FBLN1: variants seen among roughly 807,000 people sequenced by gnomAD.
FBLN1 encodes fibulin-1.
FBLN1 carries 34 observed loss-of-function variants against 89.7 expected under a neutral mutation model. The observed-to-expected ratio is 0.38, with a 90% CI of 0.29 to 0.50. FBLN1 has a LOEUF of 0.50. FBLN1 is among the 20% of genes least tolerant of loss of function. FBLN1 has a pLI of 0.92. For synonymous variants in FBLN1, 393 were observed against 391.3 expected (o/e 1.00, Z -0.05); for missense variants, 777 against 988.1 (o/e 0.79, Z 2.86).
intron 16 of FBLN1, among the ~76,000 whole-genome samples, chr22:45,596,940 G>A (rs960784830): frequency 2.7e-5 from 4 of 148,826 alleles, no homozygotes; most frequent in Non-Finnish European, 4.4e-5. Context: ...TGTTTTATAT[G>A]TATAATAGTT....
intron 8 of FBLN1, among the ~76,000 whole-genome samples, chr22:45,538,129 C>T (rs535605311): frequency 1.4e-4 from 22 of 152,334 alleles, no homozygotes; most frequent in Non-Finnish European, 2.2e-4. Flanking sequence ...GCCAGCCTGG[C>T]GGCACTGAGC....
At chr22:45,568,966 A>C (rs2088928051) in intron 14 of FBLN1, among the ~76,000 whole-genome samples, 1 of 152,124 alleles carries the variant, frequency 6.6e-6, no homozygotes, top group East Asian at 1.9e-4. Context: ...TCATCACATG[A>C]TCTTGTGTGT....
intron 16 of FBLN1, among the ~76,000 whole-genome samples, chr22:45,589,704 G>T (rs2089119658): frequency 1.3e-5 from 2 of 152,104 alleles, no homozygotes; most frequent in Non-Finnish European, 2.9e-5. Flanking sequence ...CCAGGAGAGA[G>T]AAGGGGCATG....
rs567608899 is a variant in FBLN1, at chr22:45,503,199, C to G, written c.79+135C>G. ...CGCGGCGCCCCCGGACTGTCAGCGC[C>G]GAGGCCTCGGCGACGCCCCCCTCCC... On this transcript the variant is annotated intron_variant, in intron 1 of 16. Transcript: ENST00000327858. 55 of 236,492 alleles carry G rather than the reference C, an allele frequency of 2.3e-4. 2 individuals are homozygous for G. The East Asian group carries it at 8.3e-3, about 36-fold the overall frequency. The allele number at this position is 236,492 out of a possible 1,614,324, so 14.6% of individuals were successfully genotyped here. A position where few individuals can be genotyped will look rare whatever the true frequency, so the allele number is the denominator to read the frequency against.
rs1229973039 is a variant in FBLN1, at chr22:45,532,249, T to C, written c.545-814T>C. Among the ~76,000 whole-genome samples the C allele has an allele frequency of 2.6e-5, 4 of 151,980 alleles. No homozygotes were observed. Among genetic ancestry groups the C allele is most frequent in the African/African-American group, 9.7e-5 (4 of 41,358 alleles). On this transcript the variant is annotated intron_variant, in intron 5 of 16. Coordinates refer to ENST00000327858, the MANE Select transcript of FBLN1 (RefSeq NM_006486.3). This position sits in a 1 kb window ranked among gnomAD's most constrained non-coding sequence, Gnocchi z 4.2. ...AGAGCCCCAGCAAGCCTCAGGGCTATGGGAGGAGCTTTCTGGGGAGGGGAG... is the reference window on the plus strand; with the variant it reads ...AGAGCCCCAGCAAGCCTCAGGGCTACGGGAGGAGCTTTCTGGGGAGGGGAG...
At chr22:45,513,495 TGAGCCA>T (rs2088129050) in intron 1 of FBLN1, among the ~76,000 whole-genome samples, 1 of 152,008 alleles carries the variant, frequency 6.6e-6, no homozygotes, top group Non-Finnish European at 1.5e-5. Flanking sequence ...ATTACAGGCG[TGAGCCA>T]CTGCGCCCGG....
intron 7 of FBLN1, 35 bp from the exon 8 acceptor site, chr22:45,535,165 C>G (rs1384397208): frequency 8.1e-6 from 13 of 1,613,618 alleles, no homozygotes; most frequent in African/African-American, 5.3e-5. Flanking sequence ...TGGCAGGACT[C>G]TTGCTAACAA....
intron 7 of FBLN1, among the ~76,000 whole-genome samples, chr22:45,534,307 A>AAAAAAAAAAAAAAAAAAAAAAAAAAAAC (rs2088454177): frequency 6.6e-6 from 1 of 150,768 alleles, no homozygotes; most frequent in Non-Finnish European, 1.5e-5. Context: ...AAAAAAAAAA[A>AAAAAAAAAAAAAAAAAAAAAAAAAAAAC]AAAAAAAAAA....
intron 1 of FBLN1, among the ~76,000 whole-genome samples, chr22:45,506,955 A>G (rs1360458939): frequency 1.3e-5 from 2 of 152,254 alleles, no homozygotes; most frequent in Admixed American, 1.3e-4. Flanking sequence ...AAATCATAAC[A>G]ATTTGATGAA....
rs1475097745 is a variant in FBLN1 at position 45,550,233 on chromosome 22, C to G, written c.1574-259C>G. Among the ~76,000 whole-genome samples, 2 of 152,216 alleles carry G rather than the reference C, an allele frequency of 1.3e-5. No homozygotes were observed. The highest frequency in any genetic ancestry group is 2.9e-5 in the Non-Finnish European group (2 of 68,036). ...CTTGCGAGGTACTCCCAGGACCCAT[C>G]ATGTAGTGTTTACTTTTACCATCGT... On this transcript the variant is annotated intron_variant, in intron 13 of 16. Transcript: ENST00000327858. The surrounding 1 kb of genome is among the most constrained non-coding windows in gnomAD (Gnocchi z 8.4).
chr22:45,585,248 C>T (rs186955777), intron 16 of FBLN1, among the ~76,000 whole-genome samples: 223 of 152,276 alleles, frequency 1.5e-3, no homozygotes, highest in African/African-American at 3.0e-3. Context: ...GCAGCAGCCC[C>T]GGTACAAGGG....
Position 45,591,318 on chromosome 22 carries a change from G to A in FBLN1, c.1973-8989G>A, listed in dbSNP as rs78521471. On this transcript the variant is annotated intron_variant, in intron 16 of 16. Coordinates refer to ENST00000327858, the MANE Select transcript of FBLN1 (RefSeq NM_006486.3). The stretch of plus-strand genomic sequence containing the variant: ...TGTGAGTGAGCTCTGTGATGACGAA[G>A]CACTGCAGAAATGTTAGTTCCCACG... Among the ~76,000 whole-genome samples, 1,082 of 152,274 alleles carry A rather than the reference G, an allele frequency of 7.1e-3. 15 individuals are homozygous for A. The highest frequency in any genetic ancestry group is 0.024 in the African/African-American group (1,006 of 41,544).
At chr22:45,546,946 C>T (rs932847107) in intron 11 of FBLN1, 139 bp from the exon 12 acceptor site, 4 of 1,347,592 alleles carry the variant, frequency 3.0e-6, no homozygotes, top group East Asian at 2.4e-5. Context: ...CTCGGCCACA[C>T]CCCCCGGGAC....
At chr22:45,594,727 T>TGGAC (rs2089169142) in intron 16 of FBLN1, among the ~76,000 whole-genome samples, 1 of 149,796 alleles carries the variant, frequency 6.7e-6, no homozygotes, top group Non-Finnish European at 1.5e-5. Flanking sequence ...GATGGATGGA[T>TGGAC]GGATAGATGG....
At position 45,539,672 on chromosome 22, in the gene FBLN1, A is replaced by G. The variant is rs555568689; in HGVS notation, c.923-1557A>G. Among the ~76,000 whole-genome samples, 5 of 152,338 alleles carry G rather than the reference A, an allele frequency of 3.3e-5. No individual in the cohort carries two copies. The South Asian group carries it at 1.0e-3, about 32-fold the overall frequency. ...GACCTTGGTAGCTTGGGCTTTTCCCATGTGAATCCCTGAGAGGGAGAGATC... is the reference window on the plus strand; with the variant it reads ...GACCTTGGTAGCTTGGGCTTTTCCCGTGTGAATCCCTGAGAGGGAGAGATC... On this transcript the variant is annotated intron_variant, in intron 8 of 16. Coordinates refer to ENST00000327858, the MANE Select transcript of FBLN1 (RefSeq NM_006486.3).
intron 1 of FBLN1, chr22:45,503,313 C>T: frequency 3.7e-6 from 1 of 267,540 alleles, no homozygotes; most frequent in Non-Finnish European, 7.0e-6. Context: ...CACCGTCCTA[C>T]CCCAGTCCTA....
rs2088989094 is a variant in FBLN1 at position 45,575,452 on chromosome 22, G to C, written c.1840+799G>C. ...GCGCTAGAGGCTTGGCAAGAGGTGG[G>C]CTGGAAGGATAAACAGGAGGCTAAA... On this transcript the variant is annotated intron_variant, in intron 15 of 16. Transcript: ENST00000327858. The surrounding 1 kb of genome is among the most constrained non-coding windows in gnomAD (Gnocchi z 6.3). Among the ~76,000 whole-genome samples the C allele has an allele frequency of 6.6e-6, 1 of 152,134 alleles. No individual in the cohort carries two copies. The highest frequency in any genetic ancestry group is 2.1e-4 in the South Asian group (1 of 4,818).
intron 14 of FBLN1, among the ~76,000 whole-genome samples, chr22:45,568,407 G>A (rs1602215370): frequency 1.3e-5 from 2 of 151,998 alleles, no homozygotes; most frequent in Admixed American, 1.3e-4. Flanking sequence ...TTCTGTAGGG[G>A]AGTGCTCTTT....
intron 16 of FBLN1, among the ~76,000 whole-genome samples, chr22:45,585,416 G>A (rs1295732126): frequency 6.6e-6 from 1 of 152,212 alleles, no homozygotes; most frequent in Non-Finnish European, 1.5e-5. Flanking sequence ...CGCTGACCGC[G>A]TCCTGCAGCC....
Sources: gnomAD v4.1 joint callset for allele counts (sites outside exome capture counted in the v4.1 genomes callset) on GRCh38, gnomAD v4.1.1 for gene constraint, Gnocchi (gnomAD v3.1) non-coding constraint, MANE v1.5 for transcripts, NCBI Gene and HGNC (gene_info 2026-07-23, HGNC 2026-07-21) for gene names.